RFX4: variants seen among roughly 807,000 people sequenced by gnomAD.
The protein encoded by RFX4 is transcription factor RFX4.
In RFX4, 10 loss-of-function variants were observed where a neutral mutation model predicts 95.0. The ratio of observed to expected loss-of-function variants is 0.11; its 90% confidence interval spans 0.06 to 0.18. The LOEUF is 0.18. RFX4 is among the 10% of genes least tolerant of loss of function. The pLI, the probability that RFX4 is intolerant of heterozygous loss-of-function variation, is 1.00. For synonymous variants in RFX4, 321 were observed against 340.7 expected, an observed-to-expected ratio of 0.94 and a Z score of 0.64; for missense variants, 640 against 922.0, an observed-to-expected ratio of 0.69 and a Z score of 3.96.
rs1555230970 is a variant in RFX4, at chr12:106,684,784, A to AGAG, written c.378-2100_378-2099insGAG. 7.9e-5 allele frequency: 123 copies of AGAG among 1,547,902 alleles called. 2 individuals are homozygous for AGAG. The East Asian group carries it at 2.8e-3, about 35-fold the overall frequency. On this transcript the variant is annotated intron_variant, in intron 5 of 17. Coordinates refer to ENST00000392842, the MANE Select transcript of RFX4 (RefSeq NM_213594.3). ...ACAGAAGGCAGACTTCGCTCAGCACAAAGAATTTTCTGATAACCATACTGG... is the reference window on the plus strand; with the variant it reads ...ACAGAAGGCAGACTTCGCTCAGCACAGAGAAGAATTTTCTGATAACCATACTGG...
chr12:106,660,656 G>A (rs1437536132), intron 4 of RFX4, among the ~76,000 whole-genome samples: 1 of 152,072 alleles, frequency 6.6e-6, no homozygotes, highest in Non-Finnish European at 1.5e-5. Flanking sequence ...CAGTAGAGCA[G>A]AGGTCCTCAA....
Position 106,715,564 on chromosome 12 carries a change from A to T in RFX4, c.1138+20A>T. ...CCCAATGTAAGCTGTCCCACCAGGG[A>T]TTGTTGTCCTGTTTTTATTTTTAAA... On this transcript the variant is annotated intron_variant, in intron 11 of 17. Coordinates refer to ENST00000392842, the MANE Select transcript of RFX4 (RefSeq NM_213594.3). The T allele has an allele frequency of 1.9e-6, 3 of 1,608,762 alleles. No homozygotes were observed. Among genetic ancestry groups the T allele is most frequent in the South Asian group, 2.2e-5 (2 of 90,730 alleles).
intron 15 of RFX4, among the ~76,000 whole-genome samples, chr12:106,746,220 G>C (rs1379032605): frequency 6.6e-6 from 1 of 152,100 alleles, no homozygotes; most frequent in Non-Finnish European, 1.5e-5. Flanking sequence ...GCCAGGCATG[G>C]TGGTGTGCAC....
intron 3 of RFX4, among the ~76,000 whole-genome samples, chr12:106,643,857 G>T (rs1441543212): frequency 1.3e-5 from 2 of 152,132 alleles, no homozygotes; most frequent in Non-Finnish European, 2.9e-5. Context: ...ATTTCTCCTT[G>T]TAGTTCTTTG....
chr12:106,615,038 A>G (rs1473077506), intron 2 of RFX4, among the ~76,000 whole-genome samples: 17 of 152,152 alleles, frequency 1.1e-4, no homozygotes, highest in Admixed American at 9.2e-4. Flanking sequence ...GTGCTTTGGT[A>G]TCCTATTAAG....
At chr12:106,592,620 C>G (rs1489300820) in intron 1 of RFX4, among the ~76,000 whole-genome samples, 1 of 151,182 alleles carries the variant, frequency 6.6e-6, no homozygotes, top group Non-Finnish European at 1.5e-5. Context: ...CTTCCCCCCA[C>G]CCCAGCCCCC....
intron 8 of RFX4, among the ~76,000 whole-genome samples, chr12:106,703,446 T>C (rs1207440601): frequency 1.3e-5 from 2 of 152,218 alleles, no homozygotes; most frequent in African/African-American, 4.8e-5. Flanking sequence ...TTTATAATAA[T>C]ATGTATATGT....
intron 2 of RFX4, among the ~76,000 whole-genome samples, chr12:106,631,558 TA>T (rs1043905853): frequency 1.3e-5 from 2 of 152,136 alleles, no homozygotes; most frequent in African/African-American, 4.8e-5. Context: ...TGTCTCCTTA[TA>T]AAAGAGGCCC....
chr12:106,746,546 A>T (rs768502571), intron 15 of RFX4, among the ~76,000 whole-genome samples: 2 of 152,040 alleles, frequency 1.3e-5, no homozygotes, highest in Non-Finnish European at 2.9e-5. Flanking sequence ...AACAAAAAAA[A>T]AACTAACCAT....
In RFX4 at chr12:106,720,860, C is replaced by G; in HGVS notation, c.1335C>G (p.His445Gln). 6.2e-7 allele frequency: 1 copy of G among 1,612,748 alleles called. No individual in the cohort carries two copies. The highest frequency in any genetic ancestry group is 8.5e-7 in the Non-Finnish European group (1 of 1,179,988). Residue 445 changes from histidine to glutamine, a missense_variant, in exon 13 of 18, where the codon CAC (histidine) becomes CAG (glutamine). His to Gln is a conservative substitution (Grantham distance 24). Transcript: ENST00000392842. This position sits in a 1 kb window ranked among gnomAD's most constrained non-coding sequence, Gnocchi z 4.2. ...GTRVIRDMTLHSAPSFGSFHL... is the reference protein window; with the variant it reads ...GTRVIRDMTLQSAPSFGSFHL... ...GGGTGATCCGGGACATGACCTTGCACAGCGCCCCCAGCTTCGGTAAGGCCA... is the reference window on the plus strand; with the variant it reads ...GGGTGATCCGGGACATGACCTTGCAGAGCGCCCCCAGCTTCGGTAAGGCCA...
chr12:106,606,073 G>GGT (rs2039826307), intron 1 of RFX4, among the ~76,000 whole-genome samples: 1 of 152,168 alleles, frequency 6.6e-6, no homozygotes, highest in Non-Finnish European at 1.5e-5. Context: ...CTGGTTAATA[G>GGT]AACCAGCTTC....
intron 6 of RFX4, 81 bp downstream of exon 6, chr12:106,687,178 TCTCTCACACACACACA>T: frequency 1.3e-6 from 1 of 742,344 alleles, no homozygotes; most frequent in East Asian, 2.8e-5. Flanking sequence ...TCTCTCTCTC[TCTCTCACACACACACA>T]CACACACACA....
intron 1 of RFX4, among the ~76,000 whole-genome samples, chr12:106,595,914 A>G (rs1300235629): frequency 6.6e-6 from 1 of 152,198 alleles, no homozygotes; most frequent in Non-Finnish European, 1.5e-5. Context: ...GGCACTATTC[A>G]AATACCCACC....
At chr12:106,590,842 G>A (rs2039529318) in intron 1 of RFX4, among the ~76,000 whole-genome samples, 1 of 152,126 alleles carries the variant, frequency 6.6e-6, no homozygotes. Flanking sequence ...ACCTACTCAG[G>A]AGGCTGAGAT....
rs891014116 is a variant in RFX4 at position 106,654,269 on chromosome 12, C to T, written c.233C>T (p.Pro78Leu). ...GAGATTGCAGAGGGGGTCTGCATCC[C>T]TCGCAGTGCCCTCTATATGCATTAC... ...NYEIAEGVCI[P>L]RSALYMHYLD... The change falls in exon 4 of 18, where the codon CCT becomes CTT. Residue 78 changes from proline (P) to leucine (L), a missense_variant. Pro to Leu is a moderately conservative substitution (Grantham distance 98, BLOSUM62 -3). Coordinates refer to ENST00000392842, the MANE Select transcript of RFX4 (RefSeq NM_213594.3). 6 of 1,613,874 alleles carry T rather than the reference C, an allele frequency of 3.7e-6. No homozygotes were observed. The African/African-American group carries it at 8.0e-5, about 22-fold the overall frequency.
At chr12:106,709,033 C>T (rs1456239252) in intron 8 of RFX4, among the ~76,000 whole-genome samples, 3 of 152,180 alleles carry the variant, frequency 2.0e-5, no homozygotes, top group African/African-American at 7.2e-5. Flanking sequence ...ACCCCTCACA[C>T]AAGCTCTTCA....
At chr12:106,696,166 G>A in intron 7 of RFX4, 117 bp from the exon 8 acceptor site, 1 of 1,223,688 alleles carries the variant, frequency 8.2e-7, no homozygotes, top group Non-Finnish European at 1.2e-6. Flanking sequence ...GACTTCTGCT[G>A]CCGCAGGGGA....
intron 8 of RFX4, among the ~76,000 whole-genome samples, chr12:106,697,404 C>T (rs558961009): frequency 2.0e-5 from 3 of 151,290 alleles, no homozygotes; most frequent in Admixed American, 2.0e-4. Flanking sequence ...CCAGTTTTGT[C>T]CTACTCCAAA....
At chr12:106,646,431 CAAAAAAAAAAAAAAAAAAA>C (rs56305939) in intron 3 of RFX4, among the ~76,000 whole-genome samples, 3 of 66,248 alleles carry the variant, frequency 4.5e-5, no homozygotes, top group Non-Finnish European at 8.7e-5. Context: ...TAGTTTTATC[CAAAAAAAAAAAAAAAAAAA>C]AAAAAAAAAG....
Sources: allele counts gnomAD v4.1 joint callset (sites outside exome capture counted in the v4.1 genomes callset), GRCh38; gene constraint gnomAD v4.1.1; non-coding constraint Gnocchi (gnomAD v3.1); transcripts MANE v1.5; gene names NCBI Gene and HGNC (gene_info 2026-07-23, HGNC 2026-07-21).